ATP6V0E1: variants seen among roughly 807,000 people sequenced by gnomAD.
ATP6V0E1 encodes the protein ATPase H+ transporting V0 subunit e1.
Under a neutral mutation model 11.6 loss-of-function variants are expected in ATP6V0E1, and 4 were observed. The ratio of observed to expected loss-of-function variants is 0.35; its 90% CI spans 0.17 to 0.79. The LOEUF (loss-of-function observed/expected upper bound fraction) is 0.79, where lower values mean the gene tolerates loss of function less well. Among genes scored for constraint, ATP6V0E1 ranks in the 30% least tolerant of loss-of-function variants. The pLI, the probability that ATP6V0E1 is intolerant of heterozygous loss-of-function variation, is 0.54. For missense variants in ATP6V0E1, 105 were observed against 100.0 expected (o/e 1.05, Z -0.21); for synonymous variants, 36 against 34.8 (o/e 1.04, Z -0.13).
chr5:172,985,087 C>T (rs549068), intron 1 of ATP6V0E1, among the ~76,000 whole-genome samples: 72,176 of 151,550 alleles, frequency 0.48, 19,919 homozygotes, highest in East Asian at 0.8. Context: ...CTACTAAAAA[C>T]ACAAAAAATT....
chr5:173,034,169 A>G lies in ATP6V0E1; in HGVS notation c.*37-230A>G, dbSNP rs113869551. Reference sequence around the variant, plus strand: ...TCATTCTTCCTGCTTTCTGTAACATAGAGTGTTACTTGTGCTCCTCATTTC... The same window carrying G: ...TCATTCTTCCTGCTTTCTGTAACATGGAGTGTTACTTGTGCTCCTCATTTC... On this transcript the variant is annotated intron_variant, in intron 3 of 3. Coordinates refer to ENST00000519374, the MANE Select transcript of ATP6V0E1 (RefSeq NM_003945.4). Among the ~76,000 whole-genome samples the G allele has an allele frequency of 3.3e-3, 510 of 152,338 alleles. 2 individuals are homozygous for G. Among genetic ancestry groups the G allele is most frequent in the African/African-American group, 0.012 (489 of 41,580 alleles).
intron 2 of ATP6V0E1, among the ~76,000 whole-genome samples, chr5:173,002,733 A>G (rs1233994059): frequency 5.3e-5 from 8 of 152,228 alleles, no homozygotes; most frequent in Non-Finnish European, 1.2e-4. Flanking sequence ...CATGCCTGTA[A>G]TCTCAGCACT....
rs1756068349 is a variant in ATP6V0E1 at position 172,996,447 on chromosome 5, A to T, written c.152+1625A>T. On this transcript the variant is annotated intron_variant, in intron 2 of 3. Coordinates refer to ENST00000519374, the MANE Select transcript of ATP6V0E1 (RefSeq NM_003945.4). ...CTTGGTGGCGCACACCTGTAGTCCC[A>T]GCTGCTCGGGAGGCTGAGGCAGGAG... Among the ~76,000 whole-genome samples the T allele has an allele frequency of 3.3e-5, 5 of 152,104 alleles. No individual in the cohort carries two copies. The South Asian group carries it at 1.0e-3, about 32-fold the overall frequency.
At chr5:172,984,576 AT>A (rs1755852458) in intron 1 of ATP6V0E1, among the ~76,000 whole-genome samples, 1 of 152,208 alleles carries the variant, frequency 6.6e-6, no homozygotes, top group Non-Finnish European at 1.5e-5. Context: ...CGGCTCTTGT[AT>A]GTGAGTGTAA....
intron 2 of ATP6V0E1, among the ~76,000 whole-genome samples, chr5:173,013,115 A>G (rs1253654716): frequency 6.6e-6 from 1 of 152,146 alleles, no homozygotes; most frequent in Non-Finnish European, 1.5e-5. Context: ...CTGGGAGATC[A>G]AGGCTGCAAT....
At chr5:173,003,345 G>C (rs1756186977) in intron 2 of ATP6V0E1, among the ~76,000 whole-genome samples, 1 of 152,182 alleles carries the variant, frequency 6.6e-6, no homozygotes, top group South Asian at 2.1e-4. Context: ...TCATTAAAGA[G>C]GACATGGAGG....
chr5:173,017,331 C>G (rs780071756), intron 2 of ATP6V0E1, among the ~76,000 whole-genome samples: 2 of 147,918 alleles, frequency 1.4e-5, no homozygotes, highest in Non-Finnish European at 3.0e-5. Flanking sequence ...ATCAGGAGTG[C>G]GAGACCAGCC....
chr5:173,011,121 A>T (rs1250044898), intron 2 of ATP6V0E1, among the ~76,000 whole-genome samples: 1 of 150,944 alleles, frequency 6.6e-6, no homozygotes, highest in Non-Finnish European at 1.5e-5. Context: ...GACATGGAAC[A>T]TGGCACTGCT....
chr5:173,027,289 C>T (rs1480260636), intron 3 of ATP6V0E1, among the ~76,000 whole-genome samples: 2 of 146,036 alleles, frequency 1.4e-5, no homozygotes, highest in Non-Finnish European at 3.0e-5. Context: ...AGATCGAGAC[C>T]ATCCTGGCTA....
intron 1 of ATP6V0E1, among the ~76,000 whole-genome samples, chr5:172,990,699 C>T (rs906916461): frequency 4.6e-5 from 7 of 151,588 alleles, no homozygotes; most frequent in South Asian, 2.1e-4. Flanking sequence ...TGGTGGTGTG[C>T]GCCTGTAATC....
chr5:173,008,780 G>A (rs909213314), intron 2 of ATP6V0E1, among the ~76,000 whole-genome samples: 9 of 149,922 alleles, frequency 6.0e-5, no homozygotes, highest in African/African-American at 1.5e-4. Context: ...GCGTGGTGGC[G>A]GGCGCCTGTA....
intron 1 of ATP6V0E1, among the ~76,000 whole-genome samples, chr5:172,989,353 C>A (rs1398202633): frequency 2.6e-5 from 4 of 152,086 alleles, no homozygotes; most frequent in East Asian, 3.9e-4. Context: ...AAAAAAAATT[C>A]TCTTTTGCCC....
In ATP6V0E1 at chr5:172,996,297, T is replaced by C. The variant is rs113119596; in HGVS notation, c.152+1475T>C. Among the ~76,000 whole-genome samples the C allele has an allele frequency of 8.7e-3, 1,322 of 152,222 alleles. 19 individuals carry two copies. Among genetic ancestry groups the C allele is most frequent in the African/African-American group, 0.03 (1,260 of 41,546 alleles). On this transcript the variant is annotated intron_variant, in intron 2 of 3. Transcript: ENST00000519374. ...CATTCCGGCCAGGATCGGTGGCTCA[T>C]GCCTGTAATCCCAGCACTTTGGGAG...
chr5:172,997,272 T>C (rs1756079574), intron 2 of ATP6V0E1, among the ~76,000 whole-genome samples: 1 of 152,216 alleles, frequency 6.6e-6, no homozygotes, highest in African/African-American at 2.4e-5. Context: ...CTTCAAAATG[T>C]TATCAAGTCC....
chr5:172,989,210 T>A (rs1246931632), intron 1 of ATP6V0E1, among the ~76,000 whole-genome samples: 1 of 152,144 alleles, frequency 6.6e-6, no homozygotes. Flanking sequence ...CATGGTGGTG[T>A]AGACCTGTGG....
At chr5:173,019,930 A>G (rs1213679696) in intron 2 of ATP6V0E1, among the ~76,000 whole-genome samples, 1 of 152,212 alleles carries the variant, frequency 6.6e-6, no homozygotes, top group African/African-American at 2.4e-5. Context: ...AACGCTTTGA[A>G]GCGAAGATAT....
At chr5:172,986,122 T>C (rs1364750125) in intron 1 of ATP6V0E1, among the ~76,000 whole-genome samples, 2 of 152,228 alleles carry the variant, frequency 1.3e-5, no homozygotes, top group East Asian at 3.8e-4. Context: ...TGGAAATTGC[T>C]GTGAGTGAGT....
At chr5:172,986,360 C>T (rs1755897294) in intron 1 of ATP6V0E1, among the ~76,000 whole-genome samples, 1 of 152,188 alleles carries the variant, frequency 6.6e-6, no homozygotes, top group Non-Finnish European at 1.5e-5. Flanking sequence ...CAAGGCTGGG[C>T]ACGGTGGCTC....
Position 173,029,351 on chromosome 5 carries a change from C to G in ATP6V0E1, c.*37-5048C>G, listed in dbSNP as rs531459499. Among the ~76,000 whole-genome samples the G allele has an allele frequency of 7.2e-5, 11 of 152,302 alleles. 1 individual carries two copies. The South Asian group carries it at 2.3e-3, about 32-fold the overall frequency. ...ATGTCTCCATTTCAGTTCCCAATAT[C>G]ATAGTTTTCCTTGTCAGGGTCAGAA... On this transcript the variant is annotated intron_variant, in intron 3 of 3. Transcript: ENST00000519374.
Sources: gnomAD v4.1 joint callset for allele counts (sites outside exome capture counted in the v4.1 genomes callset) on GRCh38, gnomAD v4.1.1 for gene constraint, MANE v1.5 for transcripts, NCBI Gene and HGNC (gene_info 2026-07-23, HGNC 2026-07-21) for gene names.